EXT2: variants seen among roughly 807,000 people sequenced by gnomAD.
EXT2 encodes exostosin-2.
EXT2 carries 53 observed loss-of-function variants against 81.6 expected under a neutral mutation model. The observed-to-expected ratio is 0.65, with a 90% CI of 0.52 to 0.82. The LOEUF (loss-of-function observed/expected upper bound fraction) is 0.82. Among genes scored for constraint, EXT2 ranks in the 40% least tolerant of loss-of-function variants. The pLI, the probability that EXT2 is intolerant of heterozygous loss-of-function variation, is 0.00. For synonymous variants in EXT2, 320 were observed against 340.0 expected, an observed-to-expected ratio of 0.94 and a Z score of 0.65; for missense variants, 774 against 910.2, an observed-to-expected ratio of 0.85 and a Z score of 1.93.
rs1415137419 is a variant in EXT2, at chr11:44,119,140, A to T, written c.743+4839A>T. Among the ~76,000 whole-genome samples, 31 of 30,712 alleles carry T rather than the reference A, an allele frequency of 1.0e-3. 1 individual carries two copies. The highest frequency in any genetic ancestry group is 2.1e-3 in the Non-Finnish European group (28 of 13,464). The allele number at this position is 30,712 out of a possible 152,430, so 20.1% of individuals were successfully genotyped here. On this transcript the variant is annotated intron_variant, in intron 4 of 13. Coordinates refer to ENST00000533608, the MANE Select transcript of EXT2 (RefSeq NM_207122.2). The stretch of plus-strand genomic sequence containing the variant: ...TTTGGCTATTTATATATATATATAT[A>T]TATATATATATATATATATATATAT...
Position 44,235,250 on chromosome 11 carries a change from T to TTTTTGG in EXT2, c.1935+1007_1935+1008insTTTTGG, listed in dbSNP as rs869304268. 2.5e-5 allele frequency among the ~76,000 whole-genome samples: 3 copies of TTTTTGG among 121,990 alleles called. No individual in the cohort carries two copies. In the East Asian group the frequency reaches 7.2e-4, roughly 29 times the overall value. 80.0% of individuals were successfully genotyped at this position (121,990 alleles called of 152,430 possible). A position where few individuals can be genotyped will look rare whatever the true frequency, so the allele number is the denominator to read the frequency against. ...CTTTTTTTTTTTTTTTTTTTTTTTT[T>TTTTTGG]GGTGAGACTGAGTCTTGCTCTGTCA... On this transcript the variant is annotated intron_variant, in intron 12 of 13. Coordinates refer to ENST00000533608, the MANE Select transcript of EXT2 (RefSeq NM_207122.2).
At chr11:44,187,657 C>T (rs1441244836) in intron 8 of EXT2, among the ~76,000 whole-genome samples, 1 of 152,104 alleles carries the variant, frequency 6.6e-6, no homozygotes, top group African/African-American at 2.4e-5. Flanking sequence ...TTGGGTGGGA[C>T]TCTGGAGAGG....
intron 7 of EXT2, among the ~76,000 whole-genome samples, chr11:44,160,025 A>G (rs577513027): frequency 6.6e-6 from 1 of 152,380 alleles, no homozygotes; most frequent in African/African-American, 2.4e-5. Flanking sequence ...ATGCTCTGGT[A>G]TATTTCAGAA....
intron 10 of EXT2, among the ~76,000 whole-genome samples, chr11:44,212,962 A>C (rs1035881598): frequency 1.1e-3 from 161 of 152,164 alleles, no homozygotes; most frequent in African/African-American, 3.8e-3. Flanking sequence ...ATATTATGAT[A>C]TGGTGGTGGT....
chr11:44,153,892 C>T (rs780775191), intron 7 of EXT2, among the ~76,000 whole-genome samples: 2 of 151,402 alleles, frequency 1.3e-5, no homozygotes, highest in Non-Finnish European at 2.9e-5. Flanking sequence ...ATTCTTTTTA[C>T]ACAATGTTGG....
intron 8 of EXT2, among the ~76,000 whole-genome samples, chr11:44,195,810 C>G (rs539189979): frequency 1.3e-5 from 2 of 152,270 alleles, no homozygotes; most frequent in East Asian, 3.9e-4. Flanking sequence ...GAATTCAGTC[C>G]TGGGCTTTTT....
chr11:44,238,411 G>A (rs1034297636), intron 13 of EXT2, among the ~76,000 whole-genome samples: 5 of 152,084 alleles, frequency 3.3e-5, no homozygotes, highest in African/African-American at 1.2e-4. Flanking sequence ...TGAACTCCTG[G>A]CCTCAAGGTA....
chr11:44,247,243 C>CCT lies in EXT2; in HGVS notation c.*2956_*2957insCT, dbSNP rs1956102023. ...CCTGCCAGTGATGCTCTGCTGTATC[C>CCT]TTTTTTTTTTTTTTTTTTTTGAGAC... is the stretch of plus-strand genomic sequence containing the variant. On this transcript the variant is annotated 3_prime_UTR_variant, in exon 14 of 14. Transcript: ENST00000533608. 1.7e-5 allele frequency among the ~76,000 whole-genome samples: 2 copies of CCT among 115,174 alleles called. No individual in the cohort carries two copies. The highest frequency in any genetic ancestry group is 2.9e-4 in the South Asian group (1 of 3,486). 75.6% of individuals were successfully genotyped at this position (115,174 alleles called of 152,430 possible).
In EXT2 at chr11:44,249,845, C is replaced by A. The variant is rs890900443; in HGVS notation, c.*5558C>A. Among the ~76,000 whole-genome samples the A allele has an allele frequency of 6.6e-6, 1 of 152,150 alleles. No homozygotes were observed. The highest frequency in any genetic ancestry group is 2.4e-5 in the African/African-American group (1 of 41,436). On this transcript the variant is annotated 3_prime_UTR_variant, in exon 14 of 14. Transcript: ENST00000533608. Reference sequence around the variant, plus strand: ...CAGCATTTTGGGAGGCCAAAGCGGGCAGATCATGAGGTCACGAGATCGAGA... The same window carrying A: ...CAGCATTTTGGGAGGCCAAAGCGGGAAGATCATGAGGTCACGAGATCGAGA...
At chr11:44,230,078 C>T (rs182226360) in intron 10 of EXT2, among the ~76,000 whole-genome samples, 2 of 152,234 alleles carry the variant, frequency 1.3e-5, no homozygotes, top group Non-Finnish European at 2.9e-5. Flanking sequence ...TGGCTGGTTG[C>T]GGGTGCTGTT....
chr11:44,238,825 CAAG>C (rs1956001153), intron 13 of EXT2, among the ~76,000 whole-genome samples: 1 of 152,148 alleles, frequency 6.6e-6, no homozygotes, highest in Non-Finnish European at 1.5e-5. Context: ...GCAAGTTCAA[CAAG>C]AAGAAGCCCA....
At chr11:44,242,264 A>G (rs1590674397) in intron 13 of EXT2, among the ~76,000 whole-genome samples, 2 of 152,348 alleles carry the variant, frequency 1.3e-5, no homozygotes, top group East Asian at 3.9e-4. Context: ...AGTCAAAAGT[A>G]AAACCTTGGA....
At chr11:44,116,378 T>C (rs1035206204) in intron 4 of EXT2, 1 of 152,276 alleles carries the variant, frequency 6.6e-6, no homozygotes, top group Non-Finnish European at 1.5e-5. Context: ...GAATATTTCA[T>C]CATATGAATA....
intron 8 of EXT2, among the ~76,000 whole-genome samples, chr11:44,183,661 G>A (rs923463720): frequency 1.3e-4 from 20 of 151,436 alleles, no homozygotes; most frequent in Middle Eastern, 3.4e-3. Flanking sequence ...TCTCTGTGCT[G>A]CATGCTAGAT....
At chr11:44,104,608 A>G (rs542738334) in intron 1 of EXT2, 10 of 152,312 alleles carry the variant, frequency 6.6e-5, no homozygotes, top group Admixed American at 6.5e-4. Flanking sequence ...TGTGCTTCTT[A>G]CCCTTCAGGT....
At chr11:44,103,743 T>C (rs1240784938) in intron 1 of EXT2, 3 of 382,308 alleles carry the variant, frequency 7.8e-6, no homozygotes, top group African/African-American at 6.8e-5. Flanking sequence ...TGAGATGCTT[T>C]TGGTAAGTAT....
At chr11:44,166,157 C>A (rs943775664) in intron 7 of EXT2, among the ~76,000 whole-genome samples, 3 of 152,076 alleles carry the variant, frequency 2.0e-5, no homozygotes, top group Non-Finnish European at 4.4e-5. Context: ...TCCTCTGAAA[C>A]AACAGAAAAA....
chr11:44,232,229 T>C (rs527434549), intron 10 of EXT2, 124 bp from the exon 11 acceptor site: 3 of 1,266,402 alleles, frequency 2.4e-6, no homozygotes, highest in East Asian at 4.8e-5. Context: ...AGAATCCCAT[T>C]ATGACCTTCT....
intron 7 of EXT2, among the ~76,000 whole-genome samples, chr11:44,137,123 CATTTTT>C (rs1278352185): frequency 6.6e-6 from 1 of 151,940 alleles, no homozygotes; most frequent in Non-Finnish European, 1.5e-5. Context: ...TAAAGAAGAC[CATTTTT>C]ATGTGTTTAA....
Sources: allele counts gnomAD v4.1 joint callset (sites outside exome capture counted in the v4.1 genomes callset), GRCh38; gene constraint gnomAD v4.1.1; transcripts MANE v1.5; gene names NCBI Gene and HGNC (gene_info 2026-07-23, HGNC 2026-07-21).